Variants in BPGM observed in about 807,000 individuals in gnomAD.
BPGM encodes the protein 2,3-bisphosphoglycerate mutase, erythrocyte.
BPGM carries 15 observed loss-of-function variants against 21.6 expected under a neutral mutation model. The ratio of observed to expected loss-of-function variants is 0.70; its 90% confidence interval spans 0.47 to 1.07. The LOEUF is 1.07. Ranked by LOEUF, BPGM falls within the 50% of genes least tolerant of loss-of-function variation. The pLI, the probability that BPGM is intolerant of heterozygous loss-of-function variation, is 0.00. For missense variants in BPGM, 273 were observed against 319.0 expected (o/e 0.86, Z 1.10); for synonymous variants, 113 against 116.2 (o/e 0.97, Z 0.18).
intron 2 of BPGM, among the ~76,000 whole-genome samples, chr7:134,674,155 C>T (rs1453893990): frequency 6.6e-6 from 1 of 152,072 alleles, no homozygotes; most frequent in Non-Finnish European, 1.5e-5. Flanking sequence ...TCAAGTGATC[C>T]ACCCACCTCA....
In BPGM at chr7:134,679,235, T is replaced by C; in HGVS notation, c.*204T>C. ...TATGTCATAGCCTTATGAGTTAGCT[T>C]TCTTGCTAGCCCCCTAGTCGGTCAC... On this transcript the variant is annotated 3_prime_UTR_variant, in exon 3 of 3. Coordinates refer to ENST00000344924, the MANE Select transcript of BPGM (RefSeq NM_001724.5). 1.7e-6 allele frequency: 1 copy of C among 598,782 alleles called. No individual in the cohort carries two copies. The highest frequency in any genetic ancestry group is 2.9e-6 in the Non-Finnish European group (1 of 345,906). 37.1% of individuals were successfully genotyped at this position (598,782 alleles called of 1,614,324 possible). A position where few individuals can be genotyped will look rare whatever the true frequency, so the allele number is the denominator to read the frequency against.
At chr7:134,678,706 G>GCTGGAA (rs2131468504) in intron 2 of BPGM, 147 bp from the exon 3 acceptor site, 1 of 849,268 alleles carries the variant, frequency 1.2e-6, no homozygotes, top group East Asian at 2.4e-5. Context: ...AAAGTTCCTG[G>GCTGGAA]CTTCCAGGAA....
intron 1 of BPGM, among the ~76,000 whole-genome samples, chr7:134,655,144 G>A (rs2131419628): frequency 6.6e-6 from 1 of 152,188 alleles, no homozygotes; most frequent in East Asian, 1.9e-4. Flanking sequence ...GAGCTTTTAT[G>A]AAAAACAAAA....
Position 134,646,927 on chromosome 7 carries a change from C to G in BPGM, c.-72C>G. On this transcript the variant is annotated 5_prime_UTR_variant, in exon 1 of 3. Transcript: ENST00000344924. ...CTGCTGCTGCTGCTGCTGCTGGTGG[C>G]CCCTTTGCAGGTGAGTGGCTTTGTT... The G allele has an allele frequency of 5.4e-6, 1 of 185,120 alleles. No individual in the cohort carries two copies. The highest frequency in any genetic ancestry group is 7.7e-5 in the South Asian group (1 of 12,972). 11.5% of individuals were successfully genotyped at this position (185,120 alleles called of 1,614,324 possible).
intron 2 of BPGM, among the ~76,000 whole-genome samples, chr7:134,666,320 A>G (rs1375448647): frequency 6.6e-6 from 1 of 152,210 alleles, no homozygotes; most frequent in Non-Finnish European, 1.5e-5. Flanking sequence ...ATTGTAGGAA[A>G]TGACTTCAGT....
In BPGM at chr7:134,658,892, A is replaced by ATTTTTGTTTTTTTTTT. The variant is rs1795683397; in HGVS notation, c.-61-2550_-61-2549insGTTTTTTTTTTTTTTT. Among the ~76,000 whole-genome samples the ATTTTTGTTTTTTTTTT allele has an allele frequency of 2.1e-5, 3 of 143,952 alleles. No individual in the cohort carries two copies. In the Admixed American group the frequency reaches 2.1e-4, roughly 10 times the overall value. 94.4% of individuals were successfully genotyped at this position (143,952 alleles called of 152,430 possible). On this transcript the variant is annotated intron_variant, in intron 1 of 2. Transcript: ENST00000344924. ...TCTGTTCTGGTGTGTGTGTGTGTGT[A>ATTTTTGTTTTTTTTTT]TTTTTTTTTTAGTAAAAAGAAAACA...
At chr7:134,664,504 T>C (rs1795784256) in intron 2 of BPGM, among the ~76,000 whole-genome samples, 1 of 151,910 alleles carries the variant, frequency 6.6e-6, no homozygotes, top group African/African-American at 2.4e-5. Flanking sequence ...TTAATGGGAT[T>C]ATTCTCTGTT....
At chr7:134,677,251 TTTTC>T (rs138990312) in intron 2 of BPGM, among the ~76,000 whole-genome samples, 9 of 152,118 alleles carry the variant, frequency 5.9e-5, no homozygotes, top group East Asian at 3.9e-4. Flanking sequence ...TGTGTGTTTC[TTTTC>T]TTTCTTTCTT....
intron 2 of BPGM, among the ~76,000 whole-genome samples, chr7:134,668,411 A>G (rs1350212648): frequency 6.6e-6 from 1 of 152,222 alleles, no homozygotes; most frequent in Non-Finnish European, 1.5e-5. Context: ...AAGAACATCC[A>G]TGGCAGGTAA....
At chr7:134,655,103 G>A (rs577405901) in intron 1 of BPGM, among the ~76,000 whole-genome samples, 2 of 152,202 alleles carry the variant, frequency 1.3e-5, no homozygotes, top group South Asian at 4.1e-4. Context: ...CTTTTGCTAT[G>A]GGATAAATGA....
At chr7:134,666,570 T>C (rs1391195630) in intron 2 of BPGM, among the ~76,000 whole-genome samples, 1 of 152,228 alleles carries the variant, frequency 6.6e-6, no homozygotes, top group Non-Finnish European at 1.5e-5. Flanking sequence ...TAATCTTGAT[T>C]CTCACCCATT....
intron 1 of BPGM, among the ~76,000 whole-genome samples, chr7:134,657,933 G>A (rs981600645): frequency 6.6e-6 from 1 of 152,106 alleles, no homozygotes; most frequent in Admixed American, 6.5e-5. Flanking sequence ...GGGGTATAGT[G>A]GCTGTACCAT....
chr7:134,656,098 A>G (rs936298764), intron 1 of BPGM, among the ~76,000 whole-genome samples: 1 of 152,208 alleles, frequency 6.6e-6, no homozygotes, highest in African/African-American at 2.4e-5. Flanking sequence ...CTAGAAATGC[A>G]TATTCACAGT....
Position 134,679,762 on chromosome 7 carries a change from T to G in BPGM, c.*731T>G, listed in dbSNP as rs1208714718. The G allele has an allele frequency of 6.6e-6, 1 of 152,214 alleles. No homozygotes were observed. Among genetic ancestry groups the G allele is most frequent in the East Asian group, 1.9e-4 (1 of 5,200 alleles). 9.4% of individuals were successfully genotyped at this position (152,214 alleles called of 1,614,324 possible). The stretch of plus-strand genomic sequence containing the variant: ...TTTTTTGAACTTTGGGTACCTGTAA[T>G]TAGTTTAAAAATAAAGTTCCTGATA... On this transcript the variant is annotated 3_prime_UTR_variant, in exon 3 of 3. Coordinates refer to ENST00000344924, the MANE Select transcript of BPGM (RefSeq NM_001724.5).
chr7:134,679,173 T>C lies in BPGM; in HGVS notation c.*142T>C, dbSNP rs920531558. On this transcript the variant is annotated 3_prime_UTR_variant, in exon 3 of 3. Coordinates refer to ENST00000344924, the MANE Select transcript of BPGM (RefSeq NM_001724.5). ...TTTGTATAGGTAACTAGGTAACTTA[T>C]TGTGGCCCAGATAAGGCTTTAGGAT... 6.8e-5 allele frequency: 64 copies of C among 940,378 alleles called. 2 individuals are homozygous for C. The highest frequency in any genetic ancestry group is 1.8e-4 in the South Asian group (11 of 62,698). 58.3% of individuals were successfully genotyped at this position (940,378 alleles called of 1,614,324 possible).
At chr7:134,660,760 G>A (rs1795717685) in intron 1 of BPGM, 1 of 152,236 alleles carries the variant, frequency 6.6e-6, no homozygotes, top group Non-Finnish European at 1.5e-5. Context: ...TCTATCTTGA[G>A]GTAGGTGCAA....
At chr7:134,656,825 A>G (rs1795646087) in intron 1 of BPGM, among the ~76,000 whole-genome samples, 1 of 152,174 alleles carries the variant, frequency 6.6e-6, no homozygotes, top group African/African-American at 2.4e-5. Flanking sequence ...GCCCTTTCCA[A>G]CAGTCGCCCA....
At position 134,662,018 on chromosome 7, in the gene BPGM, G is replaced by T; in HGVS notation, c.511G>T (p.Glu171Ter). The T allele has an allele frequency of 6.2e-7, 1 of 1,614,182 alleles. No individual in the cohort carries two copies. Among genetic ancestry groups the T allele is most frequent in the Non-Finnish European group, 8.5e-7 (1 of 1,180,024 alleles). Residue 171 changes from glutamate (E) to a stop codon, truncating the protein, a stop_gained, in exon 2 of 3, where the codon GAA (glutamate) becomes TAA (stop). Transcript: ENST00000344924. LOFTEE classifies it high-confidence loss of function. Reference protein sequence around the residue: ...VLERLLPYWNERIAPEVLRGK... With the variant: ...VLERLLPYWN Reference sequence around the variant, plus strand: ...GGAGAGACTCCTTCCCTATTGGAATGAAAGGATTGCTCCCGAAGTATTACG... The same window carrying T: ...GGAGAGACTCCTTCCCTATTGGAATTAAAGGATTGCTCCCGAAGTATTACG...
chr7:134,671,402 C>A (rs1795902072), intron 2 of BPGM, among the ~76,000 whole-genome samples: 1 of 144,082 alleles, frequency 6.9e-6, no homozygotes, highest in African/African-American at 2.7e-5. Flanking sequence ...CGCTCTGTTG[C>A]CCAGGCTGGA....
Sources: allele counts gnomAD v4.1 joint callset (sites outside exome capture counted in the v4.1 genomes callset), GRCh38; gene constraint gnomAD v4.1.1; transcripts MANE v1.5; gene names NCBI Gene and HGNC (gene_info 2026-07-23, HGNC 2026-07-21).